FHIT: variants seen among roughly 807,000 people sequenced by gnomAD.
FHIT encodes the protein fragile histidine triad diadenosine triphosphatase.
A neutral mutation model predicts 17.9 loss-of-function variants in FHIT; 19 were observed. The ratio of observed to expected loss-of-function variants is 1.06; its 90% CI spans 0.74 to 1.56. The LOEUF (loss-of-function observed/expected upper bound fraction) is 1.56. Among genes scored for constraint, FHIT ranks in the 40% most tolerant of loss-of-function variants. The pLI is 0.00. For missense variants in FHIT, 248 were observed against 189.2 expected, an observed-to-expected ratio of 1.31 and a Z score of -1.82; for synonymous variants, 81 against 69.7, an observed-to-expected ratio of 1.16 and a Z score of -0.81.
At chr3:61,111,534 C>T (rs372280256) in intron 2 of FHIT, among the ~76,000 whole-genome samples, 1 of 152,130 alleles carries the variant, frequency 6.6e-6, no homozygotes, top group Non-Finnish European at 1.5e-5. Context: ...GCATTTGCTG[C>T]GTGGAGGAAA....
At chr3:60,664,991 C>A (rs1012430853) in intron 4 of FHIT, among the ~76,000 whole-genome samples, 2 of 151,742 alleles carry the variant, frequency 1.3e-5, no homozygotes, top group Admixed American at 1.3e-4. Context: ...TTTCCTCTGT[C>A]TACTTGCTTT....
At chr3:60,101,253 T>G (rs1467080001) in intron 5 of FHIT, among the ~76,000 whole-genome samples, 1 of 152,252 alleles carries the variant, frequency 6.6e-6, no homozygotes. Context: ...TTACCTGGCC[T>G]GCAAGGCCCT....
intron 2 of FHIT, among the ~76,000 whole-genome samples, chr3:61,097,623 GA>G (rs576472664): frequency 0.01 from 1,568 of 152,094 alleles, 21 homozygotes; most frequent in African/African-American, 0.034. Flanking sequence ...GCTACTTTTT[GA>G]CTTTTTAATA....
chr3:60,906,749 T>G (rs1553764660), intron 3 of FHIT, among the ~76,000 whole-genome samples: 1 of 152,228 alleles, frequency 6.6e-6, no homozygotes, highest in Non-Finnish European at 1.5e-5. Flanking sequence ...GGAACTTCAT[T>G]GAGCTGTGTG....
intron 5 of FHIT, among the ~76,000 whole-genome samples, chr3:60,169,045 G>A (rs1057221691): frequency 2.0e-5 from 3 of 152,154 alleles, no homozygotes; most frequent in Non-Finnish European, 4.4e-5. Context: ...AAAAGTACGT[G>A]GATGACCTAG....
At chr3:61,028,207 G>T (rs1452914566) in intron 3 of FHIT, among the ~76,000 whole-genome samples, 1 of 152,150 alleles carries the variant, frequency 6.6e-6, no homozygotes, top group Non-Finnish European at 1.5e-5. Flanking sequence ...CATTATTACA[G>T]AAAAATTTAT....
chr3:60,518,083 C>A (rs576532259), intron 5 of FHIT, among the ~76,000 whole-genome samples: 2 of 152,058 alleles, frequency 1.3e-5, no homozygotes, highest in Admixed American at 6.6e-5. Flanking sequence ...CAAGAAAATA[C>A]GCACAAATAT....
At chr3:60,183,126 G>A (rs892054649) in intron 5 of FHIT, among the ~76,000 whole-genome samples, 10 of 151,818 alleles carry the variant, frequency 6.6e-5, no homozygotes, top group African/African-American at 1.2e-4. Flanking sequence ...GGCCAGGCAC[G>A]GTGGCTCACA....
intron 5 of FHIT, among the ~76,000 whole-genome samples, chr3:60,261,415 A>G (rs183413751): frequency 9.9e-5 from 15 of 152,164 alleles, no homozygotes; most frequent in Admixed American, 6.6e-4. Context: ...AATCATCAAA[A>G]TACACTATAA....
intron 4 of FHIT, among the ~76,000 whole-genome samples, chr3:60,642,512 G>C (rs1334230283): frequency 6.6e-6 from 1 of 152,200 alleles, no homozygotes; most frequent in Non-Finnish European, 1.5e-5. Context: ...GAAACGGTAA[G>C]GAGCTACTCA....
chr3:60,369,961 C>G (rs947378039), intron 5 of FHIT, among the ~76,000 whole-genome samples: 1 of 152,114 alleles, frequency 6.6e-6, no homozygotes, highest in Admixed American at 6.5e-5. Context: ...TCATGATTAA[C>G]TATGTTGGCA....
chr3:60,964,088 G>C (rs1709594946), intron 3 of FHIT, among the ~76,000 whole-genome samples: 3 of 152,140 alleles, frequency 2.0e-5, no homozygotes, highest in African/African-American at 7.2e-5. Flanking sequence ...AGGTCTCTAA[G>C]GGCTTGCTTT....
At chr3:60,078,361 G>C (rs1419307487) in intron 5 of FHIT, among the ~76,000 whole-genome samples, 1 of 152,090 alleles carries the variant, frequency 6.6e-6, no homozygotes, top group East Asian at 1.9e-4. Context: ...ACCTCTGTAG[G>C]ATTCTGGCCA....
Position 60,052,013 on chromosome 3 carries a change from C to A in FHIT, c.104-37861G>T, listed in dbSNP as rs182045500. 6.6e-5 allele frequency among the ~76,000 whole-genome samples: 10 copies of A among 152,230 alleles called. No homozygotes were observed. The East Asian group carries it at 1.9e-3, about 29-fold the overall frequency. ...AGATGTTGTGGAGCCTCTATTTGCA[C>A]CCCAACTGGACTAATTTTTGTTTGT... On this transcript the variant is annotated intron_variant, in intron 5 of 9. Transcript: ENST00000492590.
At chr3:59,872,286 G>A (rs1436386612) in intron 8 of FHIT, among the ~76,000 whole-genome samples, 2 of 152,102 alleles carry the variant, frequency 1.3e-5, no homozygotes, top group Non-Finnish European at 2.9e-5. Flanking sequence ...CCTGGGCTCA[G>A]GCAATTACAG....
chr3:60,014,634 T>C (rs1700272088), intron 5 of FHIT, among the ~76,000 whole-genome samples: 1 of 152,328 alleles, frequency 6.6e-6, no homozygotes, highest in East Asian at 1.9e-4. Context: ...GCAATGAACA[T>C]ACAAAAGTAG....
chr3:59,783,236 C>A (rs1034096615), intron 8 of FHIT, among the ~76,000 whole-genome samples: 1 of 152,122 alleles, frequency 6.6e-6, no homozygotes, highest in African/African-American at 2.4e-5. Context: ...TTTGGGAGGC[C>A]AAGGCGGGAA....
intron 4 of FHIT, among the ~76,000 whole-genome samples, chr3:60,744,268 CA>C (rs374691493): frequency 0.23 from 18,816 of 80,136 alleles, 1,765 homozygotes; most frequent in Middle Eastern, 0.34. Flanking sequence ...CAAAACAAAA[CA>C]AAAAAAAAAA....
chr3:60,684,537 T>A (rs1265028003), intron 4 of FHIT, among the ~76,000 whole-genome samples: 2 of 152,088 alleles, frequency 1.3e-5, no homozygotes, highest in African/African-American at 4.8e-5. Flanking sequence ...GTCGTCTCCA[T>A]CCCTCCTCAC....
Sources: allele counts gnomAD v4.1 joint callset (sites outside exome capture counted in the v4.1 genomes callset), GRCh38; gene constraint gnomAD v4.1.1; transcripts MANE v1.5; gene names NCBI Gene and HGNC (gene_info 2026-07-23, HGNC 2026-07-21).